The following MAP7D1 variants were observed in gnomAD, a reference collection of about 807,000 sequenced individuals.
MAP7D1 encodes the protein MAP7 domain containing 1.
Under a neutral mutation model 97.5 loss-of-function variants are expected in MAP7D1, and 30 were observed. The observed-to-expected ratio is 0.31, with a 90% confidence interval of 0.23 to 0.42. The LOEUF (loss-of-function observed/expected upper bound fraction) is 0.42. MAP7D1 is among the 10% of genes least tolerant of loss of function. The pLI is 1.00. For synonymous variants in MAP7D1, 536 were observed against 477.1 expected (o/e 1.12, Z -1.61); for missense variants, 1,184 against 1,179.5 (o/e 1.00, Z -0.06).
chr1:36,178,594 C>G lies in MAP7D1; in HGVS notation c.1884C>G (p.Asp628Glu). ...EQERRLQAER[D>E]KRMREEQLAR... ...AGCGGAGGCTGCAGGCAGAAAGGGA[C>G]AAGTGAGTGCGCCTCGGGGACTGAG... is the stretch of plus-strand genomic sequence containing the variant. Residue 628 changes from aspartate to glutamate, a missense_variant and splice_region_variant, in exon 10 of 17, where the codon GAC (aspartate) becomes GAG (glutamate). Coordinates refer to ENST00000474796, the MANE Select transcript of MAP7D1 (RefSeq NM_001388490.1). The G allele has an allele frequency of 6.3e-7, 1 of 1,577,202 alleles. No individual in the cohort carries two copies. The highest frequency in any genetic ancestry group is 1.1e-5 in the South Asian group (1 of 87,478).
rs746611042 is a variant in MAP7D1 at position 36,176,554 on chromosome 1, G to A, written c.1206G>A (p.Pro402=). 2.1e-6 allele frequency: 3 copies of A among 1,460,988 alleles called. No individual in the cohort carries two copies. The highest frequency in any genetic ancestry group is 2.8e-5 in the South Asian group (2 of 70,188). 90.5% of individuals were successfully genotyped at this position (1,460,988 alleles called of 1,614,324 possible). A position where few individuals can be genotyped will look rare whatever the true frequency, so the allele number is the denominator to read the frequency against. Residue 402 remains proline, a synonymous_variant, in exon 7 of 17, where the codon CCG becomes CCA. Coordinates refer to ENST00000474796, the MANE Select transcript of MAP7D1 (RefSeq NM_001388490.1). The surrounding 1 kb of genome is among the most constrained non-coding windows in gnomAD (Gnocchi z 6.1). ...RKPNAGGSPA[P]VRRRPEASPV... ...CCAACGCCGGGGGCAGCCCCGCTCC[G>A]GTGCGCCGCCGGCCGGAGGCCTCGC...
intron 5 of MAP7D1, 63 bp from the exon 6 acceptor site, chr1:36,174,835 C>T: frequency 1.0e-6 from 1 of 954,962 alleles, no homozygotes; most frequent in Admixed American, 1.8e-5. Flanking sequence ...CATGGAAGGC[C>T]TCGGTGCCCC....
At chr1:36,172,070 C>T (rs529006862) in intron 3 of MAP7D1, 27 of 181,904 alleles carry the variant, frequency 1.5e-4, no homozygotes, top group African/African-American at 6.4e-4. Flanking sequence ...GAGATGAAAT[C>T]ATTTGCTTAA....
chr1:36,171,837 G>C (rs752071562), intron 3 of MAP7D1: 29 of 284,720 alleles, frequency 1.0e-4, no homozygotes, highest in Admixed American at 9.8e-4. Context: ...GGGAGACTGA[G>C]ATAGGAGAAC....
rs545637741 is a variant in MAP7D1, at chr1:36,170,869, A to G, written c.47-102A>G. On this transcript the variant is annotated intron_variant, in intron 1 of 16. Coordinates refer to ENST00000474796, the MANE Select transcript of MAP7D1 (RefSeq NM_001388490.1). ...GGCACATAGAAATAACTCAAACATA[A>G]GTGAATGAAGAAGTCGGTTGAACAA... 4.6e-6 allele frequency: 3 copies of G among 658,596 alleles called. No individual in the cohort carries two copies. In the East Asian group the frequency reaches 7.7e-5, roughly 17 times the overall value. The allele number at this position is 658,596 out of a possible 1,614,324, so 40.8% of individuals were successfully genotyped here.
Position 36,176,308 on chromosome 1 carries a change from C to T in MAP7D1, c.960C>T (p.Asn320=), listed in dbSNP as rs1200476960. The T allele has an allele frequency of 6.4e-6, 10 of 1,563,824 alleles. No homozygotes were observed. Among genetic ancestry groups the T allele is most frequent in the African/African-American group, 2.7e-5 (2 of 73,298 alleles). The change falls in exon 7 of 17, where the codon AAC becomes AAT. Residue 320 remains asparagine, a synonymous_variant. Transcript: ENST00000474796. This position sits in a 1 kb window ranked among gnomAD's most constrained non-coding sequence, Gnocchi z 6.1. ...GCAGCGCGGTCACACTGCCCCGCAA[C>T]GGCCGGGACCAGGGTAGGGGCTGCG... ...RSRSAVTLPR[N]GRDQGRGCDP... is the part of the protein sequence containing the mutation.
Position 36,176,488 on chromosome 1 carries a change from C to T in MAP7D1, c.1140C>T (p.His380=), listed in dbSNP as rs980908222. 1 of 1,389,152 alleles carries T rather than the reference C, an allele frequency of 7.2e-7. No individual in the cohort carries two copies. Among genetic ancestry groups the T allele is most frequent in the Non-Finnish European group, 9.3e-7 (1 of 1,074,086 alleles). 86.1% of individuals were successfully genotyped at this position (1,389,152 alleles called of 1,614,324 possible). The change falls in exon 7 of 17, where the codon CAC becomes CAT. Residue 380 remains histidine, a synonymous_variant. Transcript: ENST00000474796. The surrounding 1 kb of genome is among the most constrained non-coding windows in gnomAD (Gnocchi z 6.1). ...LTPCSVTRSV[H]RCAPAGERGE... The stretch of plus-strand genomic sequence containing the variant: ...CGTGCAGCGTCACCCGAAGCGTGCA[C>T]CGCTGCGCCCCCGCCGGTGAGCGCG...
rs756438151 is a variant in MAP7D1 at position 36,171,001 on chromosome 1, G to A, written c.77G>A (p.Arg26Lys). 2 of 1,547,676 alleles carry A rather than the reference G, an allele frequency of 1.3e-6. No individual in the cohort carries two copies. The highest frequency in any genetic ancestry group is 1.2e-5 in the South Asian group (1 of 86,854). ...AVVARTPPEP[R>K]PSPEGDPSPP... ...GTCGCCAGGACCCCCCCAGAGCCAA[G>A]ACCTTCTCCAGAAGGTGACCCTTCC... Residue 26 changes from arginine to lysine, a missense_variant, in exon 2 of 17, where the codon AGA becomes AAA. Transcript: ENST00000474796.
intron 1 of MAP7D1, among the ~76,000 whole-genome samples, chr1:36,160,844 G>A (rs1644399219): frequency 6.6e-6 from 1 of 152,260 alleles, no homozygotes; most frequent in African/African-American, 2.4e-5. Context: ...AGCCTGCCAG[G>A]TTGGAGCCTA....
intron 1 of MAP7D1, among the ~76,000 whole-genome samples, chr1:36,165,707 G>A (rs1480692317): frequency 6.8e-6 from 1 of 148,032 alleles, no homozygotes; most frequent in Non-Finnish European, 1.5e-5. Context: ...ATAAGCCACC[G>A]CACCACGCCT....
In MAP7D1 at chr1:36,178,973, A is replaced by G. The variant is rs1393759096; in HGVS notation, c.2078A>G (p.Glu693Gly). Reference sequence around the variant, plus strand: ...GAAGAGGCGGAGCGGCAGCGTCTGGAGCGGGAAAAGCACTTCCAGCAGCAG... The same window carrying G: ...GAAGAGGCGGAGCGGCAGCGTCTGGGGCGGGAAAAGCACTTCCAGCAGCAG... ...SREEAERQRL[E>G]REKHFQQQEQ... is the part of the protein sequence containing the mutation. Residue 693 changes from glutamate (E) to glycine (G), a missense_variant, in exon 12 of 17, where the codon GAG (glutamate) becomes GGG (glycine). Glu to Gly is a moderately conservative substitution (Grantham distance 98). Coordinates refer to ENST00000474796, the MANE Select transcript of MAP7D1 (RefSeq NM_001388490.1). 9.6e-6 allele frequency: 15 copies of G among 1,557,736 alleles called. No individual in the cohort carries two copies. The highest frequency in any genetic ancestry group is 1.3e-5 in the Non-Finnish European group (15 of 1,151,520).
chr1:36,172,342 G>C, intron 3 of MAP7D1, 122 bp from the exon 4 acceptor site: 1 of 968,778 alleles, frequency 1.0e-6, no homozygotes, highest in African/African-American at 1.6e-5. Flanking sequence ...CTCCACCTAA[G>C]CAGGCGGGAG....
At position 36,171,575 on chromosome 1, in the gene MAP7D1, T is replaced by A. The variant is rs1433312166; in HGVS notation, c.454T>A (p.Tyr152Asn). The A allele has an allele frequency of 2.5e-6, 4 of 1,614,034 alleles. No individual in the cohort carries two copies. Among genetic ancestry groups the A allele is most frequent in the South Asian group, 2.2e-5 (2 of 91,088 alleles). Residue 152 changes from tyrosine to asparagine, a missense_variant, in exon 3 of 17, where the codon TAC becomes AAC. Physicochemically the swap from Tyr to Asn is moderately radical, Grantham distance 143 (BLOSUM62 -2). Coordinates refer to ENST00000474796, the MANE Select transcript of MAP7D1 (RefSeq NM_001388490.1). ...GGAGCGGCGAGAAGAGCGGGCCAAG[T>A]ACCTGGGTGAGTGAGCAGGAAGCCT... ...AKERREERAKYLAAKKAVWLE... is the reference protein window; with the variant it reads ...AKERREERAKNLAAKKAVWLE...
At position 36,171,271 on chromosome 1, in the gene MAP7D1, C is replaced by T. The variant is rs756013396; in HGVS notation, c.347C>T (p.Ser116Phe). Residue 116 changes from serine (S) to phenylalanine (F), a missense_variant, in exon 2 of 17, where the codon TCT becomes TTT. By Grantham distance (155) the Ser-to-Phe change is radical. Transcript: ENST00000474796. ...CCTCCTCGAAGGAGCAGCCAGCCATCTCCAACAGCAGTGCCAGCCTCCGAC... is the reference window on the plus strand; with the variant it reads ...CCTCCTCGAAGGAGCAGCCAGCCATTTCCAACAGCAGTGCCAGCCTCCGAC... Reference protein sequence around the residue: ...ARPPRRSSQPSPTAVPASDSP... With the variant: ...ARPPRRSSQPFPTAVPASDSP... 10 of 1,588,994 alleles carry T rather than the reference C, an allele frequency of 6.3e-6. No individual in the cohort carries two copies. In the East Asian group the frequency reaches 2.0e-4, roughly 32 times the overall value.
chr1:36,171,790 C>T, intron 3 of MAP7D1: 2 of 428,112 alleles, frequency 4.7e-6, no homozygotes, highest in Non-Finnish European at 8.8e-6. Context: ...AAAAATTAGC[C>T]AGGCATGGTG....
intron 1 of MAP7D1, among the ~76,000 whole-genome samples, chr1:36,169,380 C>G (rs1393315916): frequency 6.6e-6 from 1 of 151,640 alleles, no homozygotes; most frequent in Non-Finnish European, 1.5e-5. Context: ...CACCGTGAAA[C>G]CCCGTCTCTA....
chr1:36,168,542 C>T (rs1464079680), intron 1 of MAP7D1, among the ~76,000 whole-genome samples: 1 of 152,060 alleles, frequency 6.6e-6, no homozygotes, highest in Non-Finnish European at 1.5e-5. Flanking sequence ...AATAGATTAG[C>T]AGTGACCAGG....
In MAP7D1 at chr1:36,178,158, A is replaced by T; in HGVS notation, c.1665A>T (p.Pro555=). The T allele has an allele frequency of 7.2e-7, 1 of 1,395,714 alleles. No individual in the cohort carries two copies. Among genetic ancestry groups the T allele is most frequent in the East Asian group, 2.7e-5 (1 of 37,130 alleles). 86.5% of individuals were successfully genotyped at this position (1,395,714 alleles called of 1,614,324 possible). The change falls in exon 9 of 17, where the codon CCA becomes CCT. Residue 555 remains proline, a synonymous_variant. Coordinates refer to ENST00000474796, the MANE Select transcript of MAP7D1 (RefSeq NM_001388490.1). The part of the protein sequence containing the change: ...PAPSPAPSPT[P]APPQKEQPPA... ...CTTCGCCGGCGCCCTCGCCCACCCC[A>T]GCCCCGCCCCAGAAGGAGCAGCCCC...
chr1:36,166,313 T>C (rs1035689131), intron 1 of MAP7D1, among the ~76,000 whole-genome samples: 1 of 151,794 alleles, frequency 6.6e-6, no homozygotes, highest in Non-Finnish European at 1.5e-5. Flanking sequence ...TAGGCTATCA[T>C]GATGACTTTG....
Sources: gnomAD v4.1 joint callset for allele counts (sites outside exome capture counted in the v4.1 genomes callset) on GRCh38, gnomAD v4.1.1 for gene constraint, Gnocchi (gnomAD v3.1) non-coding constraint, MANE v1.5 for transcripts, NCBI Gene and HGNC (gene_info 2026-07-23, HGNC 2026-07-21) for gene names.